Variants in GRM5 observed in about 807,000 individuals in gnomAD.
The protein encoded by GRM5 is glutamate metabotropic receptor 5, also known as metabotropic glutamate receptor 5.
GRM5 carries 19 observed loss-of-function variants against 83.1 expected under a neutral mutation model. The observed-to-expected ratio is 0.23, with a 90% CI of 0.16 to 0.34. The LOEUF (loss-of-function observed/expected upper bound fraction) is 0.34, where lower values mean the gene tolerates loss of function less well. Ranked by LOEUF, GRM5 falls within the 10% of genes least tolerant of loss-of-function variation. The pLI is 1.00. For synonymous variants in GRM5, 675 were observed against 633.6 expected (o/e 1.07, Z -0.98); for missense variants, 1,160 against 1,588.3 (o/e 0.73, Z 4.58).
At chr11:89,023,370 T>G (rs1413143931) in intron 2 of GRM5, among the ~76,000 whole-genome samples, 2 of 152,102 alleles carry the variant, frequency 1.3e-5, no homozygotes, top group Admixed American at 6.6e-5. Flanking sequence ...ATTATAATGT[T>G]AAATCAATGG....
intron 2 of GRM5, among the ~76,000 whole-genome samples, chr11:89,013,477 T>C (rs191332028): frequency 1.3e-5 from 2 of 152,142 alleles, no homozygotes; most frequent in African/African-American, 4.8e-5. Flanking sequence ...ATTAGGAGCA[T>C]CATATATTGG....
Position 88,518,710 on chromosome 11 carries a change from T to C in GRM5, c.2726+6599A>G, listed in dbSNP as rs118142872. ...ACCACCATCCAAATCTTGGCCTTAT[T>C]ATTGGTATCACAGATTTAAAATTTT... On this transcript the variant is annotated intron_variant, in intron 9 of 9. Coordinates refer to ENST00000305447, the MANE Select transcript of GRM5 (RefSeq NM_001143831.3). Among the ~76,000 whole-genome samples the C allele has an allele frequency of 4.5e-3, 688 of 152,028 alleles. 3 individuals carry two copies. Among genetic ancestry groups the C allele is most frequent in the Non-Finnish European group, 6.8e-3 (459 of 67,890 alleles).
intron 3 of GRM5, among the ~76,000 whole-genome samples, chr11:88,827,366 C>T (rs1036836930): frequency 1.1e-4 from 16 of 152,188 alleles, no homozygotes; most frequent in African/African-American, 3.6e-4. Context: ...CATGCATACT[C>T]ATATTTCACA....
At chr11:88,928,722 AT>A (rs1231824553) in intron 2 of GRM5, among the ~76,000 whole-genome samples, 1 of 151,976 alleles carries the variant, frequency 6.6e-6, no homozygotes, top group Non-Finnish European at 1.5e-5. Flanking sequence ...TAATGTTTAG[AT>A]ATTTTATTAA....
intron 2 of GRM5, among the ~76,000 whole-genome samples, chr11:88,938,784 T>C (rs1453517242): frequency 6.6e-6 from 1 of 151,724 alleles, no homozygotes; most frequent in Non-Finnish European, 1.5e-5. Flanking sequence ...AAAATTGGAT[T>C]ATGTTTTTAC....
At chr11:88,854,257 G>A (rs577210196) in intron 2 of GRM5, among the ~76,000 whole-genome samples, 3 of 151,802 alleles carry the variant, frequency 2.0e-5, no homozygotes, top group African/African-American at 7.2e-5. Flanking sequence ...AATAATCAAT[G>A]TCTATTTCCA....
Position 88,508,873 on chromosome 11 carries a change from C to G in GRM5, c.3358G>C (p.Ala1120Pro). 1.3e-6 allele frequency: 2 copies of G among 1,587,470 alleles called. No homozygotes were observed. The highest frequency in any genetic ancestry group is 1.7e-6 in the Non-Finnish European group (2 of 1,168,292). Residue 1120 changes from alanine to proline, a missense_variant, in exon 10 of 10, where the codon GCC (alanine) becomes CCC (proline). Physicochemically the swap from Ala to Pro is conservative, Grantham distance 27. Around this residue, in one of 9 missense-constraint regions of GRM5, gnomAD observed 562 missense variants for 532.4 expected, o/e 1.06. Transcript: ENST00000305447. This position sits in a 1 kb window ranked among gnomAD's most constrained non-coding sequence, Gnocchi z 4.2. The part of the protein sequence containing the change: ...TTFAEIQPLP[A>P]IEVTGGAQPA... ...TGCGCGCCTCCCGTGACTTCGATGGCCGGCAGAGGCTGGATTTCGGCAAAG... is the reference window on the plus strand; with the variant it reads ...TGCGCGCCTCCCGTGACTTCGATGGGCGGCAGAGGCTGGATTTCGGCAAAG...
At chr11:89,036,927 A>G (rs1266740314) in intron 2 of GRM5, among the ~76,000 whole-genome samples, 1 of 152,136 alleles carries the variant, frequency 6.6e-6, no homozygotes, top group East Asian at 1.9e-4. Flanking sequence ...ATTTGGTCCA[A>G]GCTTCTCATT....
At chr11:88,973,299 G>A (rs1309714875) in intron 2 of GRM5, among the ~76,000 whole-genome samples, 1 of 152,064 alleles carries the variant, frequency 6.6e-6, no homozygotes, top group Admixed American at 6.6e-5. Flanking sequence ...GCCCCTAAAG[G>A]TATCAGGTTC....
chr11:89,018,296 C>T (rs35752740), intron 2 of GRM5, among the ~76,000 whole-genome samples: 4,234 of 152,132 alleles, frequency 0.028, 79 homozygotes, highest in Middle Eastern at 0.075. Flanking sequence ...TAGAGCCTTG[C>T]CCCTCAGAAA....
intron 3 of GRM5, among the ~76,000 whole-genome samples, chr11:88,782,917 C>T (rs898106791): frequency 6.6e-6 from 1 of 152,046 alleles, no homozygotes; most frequent in Non-Finnish European, 1.5e-5. Context: ...TTACTTTTAT[C>T]CCGGCAACAA....
intron 2 of GRM5, among the ~76,000 whole-genome samples, chr11:88,924,654 A>G (rs548152485): frequency 9.3e-4 from 142 of 152,074 alleles, no homozygotes; most frequent in Non-Finnish European, 1.7e-3. Flanking sequence ...GACACAGAGG[A>G]AGAGAAAATG....
At chr11:88,566,002 A>C (rs1211498374) in intron 8 of GRM5, among the ~76,000 whole-genome samples, 1 of 152,204 alleles carries the variant, frequency 6.6e-6, no homozygotes, top group East Asian at 1.9e-4. Context: ...CCTGCAGGCT[A>C]AGTGATAGTA....
chr11:88,902,170 G>C (rs188790569), intron 2 of GRM5, among the ~76,000 whole-genome samples: 48 of 150,532 alleles, frequency 3.2e-4, no homozygotes, highest in Non-Finnish European at 5.6e-4. Context: ...TTTTTTGTTT[G>C]TTTGTTTTTT....
chr11:88,707,136 C>A (rs1403421442), intron 3 of GRM5, among the ~76,000 whole-genome samples: 1 of 152,000 alleles, frequency 6.6e-6, no homozygotes, highest in Non-Finnish European at 1.5e-5. Context: ...GGTATTGGTA[C>A]TTGAGTGTAT....
At chr11:88,570,564 TATATA>T (rs1942968263) in intron 7 of GRM5, among the ~76,000 whole-genome samples, 2 of 80,258 alleles carry the variant, frequency 2.5e-5, no homozygotes, top group Non-Finnish European at 4.5e-5. Flanking sequence ...TATATATATA[TATATA>T]TATTTTTTTT....
intron 3 of GRM5, among the ~76,000 whole-genome samples, chr11:88,786,271 T>C (rs1417399672): frequency 2.6e-5 from 4 of 152,130 alleles, no homozygotes; most frequent in Admixed American, 2.6e-4. Context: ...AGTCATTTCA[T>C]CTCAGCTATA....
At chr11:88,839,675 C>T (rs1944161040) in intron 3 of GRM5, among the ~76,000 whole-genome samples, 1 of 152,070 alleles carries the variant, frequency 6.6e-6, no homozygotes, top group South Asian at 2.1e-4. Context: ...CTCATTTTCC[C>T]TTAAAATATA....
rs71946693 is a variant in GRM5, at chr11:89,023,849, CTAAATAAATAAA to C, written c.661+23351_661+23362del. Among the ~76,000 whole-genome samples the C allele has an allele frequency of 8.8e-3, 1,190 of 134,526 alleles. 6 individuals are homozygous for C. The highest frequency in any genetic ancestry group is 0.02 in the African/African-American group (695 of 35,414). 88.3% of individuals were successfully genotyped at this position (134,526 alleles called of 152,430 possible). ...TGGGCAACAGAGTGAGACTTCATCT[CTAAATAAATAAA>C]TAAATAAATAAATAAATAAATAAAT... On this transcript the variant is annotated intron_variant, in intron 2 of 9. Coordinates refer to ENST00000305447, the MANE Select transcript of GRM5 (RefSeq NM_001143831.3).
Sources: allele counts gnomAD v4.1 joint callset (sites outside exome capture counted in the v4.1 genomes callset), GRCh38; gene constraint gnomAD v4.1.1; regional missense constraint gnomAD v4.1.1; non-coding constraint Gnocchi (gnomAD v3.1); transcripts MANE v1.5; gene names NCBI Gene and HGNC (gene_info 2026-07-23, HGNC 2026-07-21).